The following CIBAR2 variants were observed in gnomAD, a reference collection of about 807,000 sequenced individuals.
CIBAR2 encodes CBY1-interacting BAR domain-containing protein 2.
In CIBAR2, 38 loss-of-function variants were observed where a neutral mutation model predicts 36.2. The ratio of observed to expected loss-of-function variants is 1.05; its 90% confidence interval spans 0.81 to 1.38. The LOEUF is 1.38. Among genes scored for constraint, CIBAR2 ranks in the 40% most tolerant of loss-of-function variants. CIBAR2 has a pLI of 0.00. For synonymous variants in CIBAR2, 182 were observed against 149.5 expected (o/e 1.22, Z -1.58); for missense variants, 481 against 383.4 (o/e 1.25, Z -2.13).
intron 7 of CIBAR2, among the ~76,000 whole-genome samples, chr16:85,101,148 C>T (rs1208148696): frequency 6.6e-6 from 1 of 152,208 alleles, no homozygotes; most frequent in Non-Finnish European, 1.5e-5. Flanking sequence ...CCGTAGACCC[C>T]GAGGAAGACC....
intron 1 of CIBAR2, among the ~76,000 whole-genome samples, chr16:85,111,804 G>T (rs61000235): frequency 0.14 from 21,230 of 152,266 alleles, 1,939 homozygotes; most frequent in African/African-American, 0.26. Flanking sequence ...AGATCGAGAT[G>T]GCACCACTGC....
Position 85,106,982 on chromosome 16 carries a change from C to T in CIBAR2, c.432+685G>A, listed in dbSNP as rs146697594. 3.1e-3 allele frequency among the ~76,000 whole-genome samples: 473 copies of T among 152,212 alleles called. 3 individuals carry two copies. The highest frequency in any genetic ancestry group is 5.2e-3 in the Non-Finnish European group (355 of 68,014). ...CCAACATGGCAAAACCCCGTCTCTG[C>T]TAAAAATATAAAAATTAGCCAGGCA... On this transcript the variant is annotated intron_variant, in intron 5 of 8. Coordinates refer to ENST00000539556, the MANE Select transcript of CIBAR2 (RefSeq NM_198491.3).
chr16:85,112,245 C>G, intron 1 of CIBAR2, 88 bp downstream of exon 1: 2 of 1,180,838 alleles, frequency 1.7e-6, no homozygotes, highest in Non-Finnish European at 2.5e-6. Flanking sequence ...AAGCAGCAGG[C>G]CCTGCTGCCC....
At position 85,099,160 on chromosome 16, in the gene CIBAR2, T is replaced by G. The variant is rs2073933634; in HGVS notation, c.*25A>C. 2 of 1,490,776 alleles carry G rather than the reference T, an allele frequency of 1.3e-6. No homozygotes were observed. The highest frequency in any genetic ancestry group is 1.8e-6 in the Non-Finnish European group (2 of 1,121,310). The allele number at this position is 1,490,776 out of a possible 1,614,324, so 92.3% of individuals were successfully genotyped here. On this transcript the variant is annotated 3_prime_UTR_variant, in exon 9 of 9. Coordinates refer to ENST00000539556, the MANE Select transcript of CIBAR2 (RefSeq NM_198491.3). ...GCAGTCTGGGATTATTTTAAACGGCTTGGGATTGCACTTACCCTACGTCGT... is the reference window on the plus strand; with the variant it reads ...GCAGTCTGGGATTATTTTAAACGGCGTGGGATTGCACTTACCCTACGTCGT...
intron 1 of CIBAR2, 107 bp downstream of exon 1, chr16:85,112,226 C>T: frequency 2.0e-6 from 2 of 1,002,352 alleles, no homozygotes; most frequent in East Asian, 2.5e-5. Flanking sequence ...CACCCCCAAC[C>T]CCCACCCCAA....
In CIBAR2 at chr16:85,102,325, T is replaced by A. The variant is rs2073962220; in HGVS notation, c.540A>T (p.Lys180Asn). ...CAATAGTTACAAAGTCACAAAAAAA[T>A]TTCTGTGGGGAGAGAAACCCAAAGA... is the stretch of plus-strand genomic sequence containing the variant. ...FQRQKLKDLQ[K>N]FFCDFVTIEM... is the part of the protein sequence containing the mutation. The change falls in exon 7 of 9, where the codon AAA becomes AAT. Residue 180 changes from lysine to asparagine, a missense_variant and splice_region_variant. Physicochemically the swap from Lys to Asn is moderately conservative, Grantham distance 94. Transcript: ENST00000539556. 6.3e-7 allele frequency: 1 copy of A among 1,595,272 alleles called. No homozygotes were observed. Among genetic ancestry groups the A allele is most frequent in the African/African-American group, 1.3e-5 (1 of 74,484 alleles).
Position 85,098,391 on chromosome 16 carries a change from A to G in CIBAR2, c.*794T>C, listed in dbSNP as rs2073927391. 4.0e-6 allele frequency: 1 copy of G among 247,820 alleles called. No homozygotes were observed. The highest frequency in any genetic ancestry group is 6.4e-6 in the Non-Finnish European group (1 of 155,288). The allele number at this position is 247,820 out of a possible 1,614,324, so 15.4% of individuals were successfully genotyped here. Reference sequence around the variant, plus strand: ...ACAGGGCATTTATTGAACACCTACTATATGCCAGGCACAGCGATCCCCCAG... The same window carrying G: ...ACAGGGCATTTATTGAACACCTACTGTATGCCAGGCACAGCGATCCCCCAG... On this transcript the variant is annotated 3_prime_UTR_variant, in exon 9 of 9. Coordinates refer to ENST00000539556, the MANE Select transcript of CIBAR2 (RefSeq NM_198491.3).
chr16:85,098,739 A>AACACTTGAGACTTGTTGCT lies in CIBAR2; in HGVS notation c.*445_*446insAGCAACAAGTCTCAAGTGT. 2 of 658,242 alleles carry AACACTTGAGACTTGTTGCT rather than the reference A, an allele frequency of 3.0e-6. No individual in the cohort carries two copies. Among genetic ancestry groups the AACACTTGAGACTTGTTGCT allele is most frequent in the Non-Finnish European group, 3.8e-6 (2 of 531,090 alleles). The allele number at this position is 658,242 out of a possible 1,614,324, so 40.8% of individuals were successfully genotyped here. ...ATCAGTAATGATAATGGCAGCAACA[A>AACACTTGAGACTTGTTGCT]GTCTCAAGTGTTTGTTGCGCAACAG... On this transcript the variant is annotated 3_prime_UTR_variant, in exon 9 of 9. Transcript: ENST00000539556.
At chr16:85,105,057 GGC>G (rs1433361880) in intron 6 of CIBAR2, among the ~76,000 whole-genome samples, 1 of 152,242 alleles carries the variant, frequency 6.6e-6, no homozygotes, top group Non-Finnish European at 1.5e-5. Context: ...AACTCTTCCT[GGC>G]TAGGAGCTGG....
In CIBAR2 at chr16:85,107,845, C is replaced by G; in HGVS notation, c.426+1G>C. 2 of 1,610,760 alleles carry G rather than the reference C, an allele frequency of 1.2e-6. No individual in the cohort carries two copies. The highest frequency in any genetic ancestry group is 1.7e-6 in the Non-Finnish European group (2 of 1,176,930). Reference sequence around the variant, plus strand: ...CAGGCCCCACTTCCAGGGAAGGATACGATCATTTGCTGATCCGAGGGTGAC... The same window carrying G: ...CAGGCCCCACTTCCAGGGAAGGATAGGATCATTTGCTGATCCGAGGGTGAC... On this transcript the variant is annotated splice_donor_variant, in intron 4 of 8. Coordinates refer to ENST00000539556, the MANE Select transcript of CIBAR2 (RefSeq NM_198491.3). LOFTEE classifies it high-confidence loss of function.
intron 5 of CIBAR2, among the ~76,000 whole-genome samples, chr16:85,105,767 G>T (rs574323451): frequency 6.6e-6 from 1 of 152,180 alleles, no homozygotes; most frequent in South Asian, 2.1e-4. Flanking sequence ...CACCTGCTGA[G>T]CCCTTAGGAC....
intron 8 of CIBAR2, 52 bp from the exon 9 acceptor site, chr16:85,099,398 A>C (rs2073936620): frequency 9.8e-7 from 1 of 1,021,972 alleles, no homozygotes; most frequent in Non-Finnish European, 1.5e-6. Flanking sequence ...GCTGTAAGGT[A>C]ACATCTAATG....
chr16:85,110,153 G>T (rs968644868), intron 2 of CIBAR2, 73 bp downstream of exon 2: 2 of 1,188,594 alleles, frequency 1.7e-6, no homozygotes, highest in East Asian at 2.4e-5. Flanking sequence ...GGCTCCTGCA[G>T]CCCTCAGGCC....
At chr16:85,104,861 G>A (rs926998626) in intron 6 of CIBAR2, among the ~76,000 whole-genome samples, 1 of 152,210 alleles carries the variant, frequency 6.6e-6, no homozygotes, top group African/African-American at 2.4e-5. Flanking sequence ...GTAAGAGCTG[G>A]GGCTCTGGGC....
chr16:85,105,379 T>C lies in CIBAR2; in HGVS notation c.485A>G (p.Gln162Arg). Residue 162 changes from glutamine (Q) to arginine (R), a missense_variant, in exon 6 of 9, where the codon CAG (glutamine) becomes CGG (arginine). Gln to Arg is a conservative substitution (Grantham distance 43, BLOSUM62 1). Coordinates refer to ENST00000539556, the MANE Select transcript of CIBAR2 (RefSeq NM_198491.3). ...GAAGCCATCCACAGTCTCCTCCAGC[T>C]GGAGGGTGGTGCGGCTGGAGTCCAC... Reference protein sequence around the residue: ...AAVDSSRTTLQLEETVDGFQR... With the variant: ...AAVDSSRTTLRLEETVDGFQR... 6.2e-7 allele frequency: 1 copy of C among 1,613,904 alleles called. No homozygotes were observed. The highest frequency in any genetic ancestry group is 1.1e-5 in the South Asian group (1 of 91,078).
At chr16:85,100,594 G>C (rs2073947716) in intron 7 of CIBAR2, among the ~76,000 whole-genome samples, 2 of 152,020 alleles carry the variant, frequency 1.3e-5, no homozygotes, top group Non-Finnish European at 2.9e-5. Context: ...CCTCATGGTA[G>C]TTTTAAGGCT....
At chr16:85,106,315 T>C (rs2073995499) in intron 5 of CIBAR2, among the ~76,000 whole-genome samples, 1 of 152,072 alleles carries the variant, frequency 6.6e-6, no homozygotes, top group South Asian at 2.1e-4. Context: ...AGGTGGTAGG[T>C]AGGATAAACG....
rs376332281 is a variant in CIBAR2, at chr16:85,107,682, G to A, written c.427-10C>T. The A allele has an allele frequency of 1.0e-4, 168 of 1,613,818 alleles. No homozygotes were observed. The highest frequency in any genetic ancestry group is 1.3e-4 in the Non-Finnish European group (154 of 1,179,922). On this transcript the variant is annotated splice_polypyrimidine_tract_variant and intron_variant, in intron 4 of 8. Transcript: ENST00000539556. Reference sequence around the variant, plus strand: ...TGACACTCACCTGGGACTGAAAAACGTGCTGTTAAGGAACCAAGTTAAGCC... The same window carrying A: ...TGACACTCACCTGGGACTGAAAAACATGCTGTTAAGGAACCAAGTTAAGCC...
chr16:85,103,561 A>T (rs2073971646), intron 6 of CIBAR2, among the ~76,000 whole-genome samples: 1 of 152,166 alleles, frequency 6.6e-6, no homozygotes, highest in Non-Finnish European at 1.5e-5. Flanking sequence ...GACCTGGAGA[A>T]CCGTGTGGTC....
Sources: allele counts gnomAD v4.1 joint callset (sites outside exome capture counted in the v4.1 genomes callset), GRCh38; gene constraint gnomAD v4.1.1; transcripts MANE v1.5; gene names NCBI Gene and HGNC (gene_info 2026-07-23, HGNC 2026-07-21).